The following FAM184B variants were observed in gnomAD, a reference collection of about 807,000 sequenced individuals.
The protein encoded by FAM184B is protein FAM184B.
A neutral mutation model predicts 135.9 loss-of-function variants in FAM184B; 111 were observed. The ratio of observed to expected loss-of-function variants is 0.82; its 90% CI spans 0.70 to 0.96. The LOEUF is 0.96. Among genes scored for constraint, FAM184B ranks in the 40% least tolerant of loss-of-function variants. The pLI, the probability that FAM184B is intolerant of heterozygous loss-of-function variation, is 0.00. For missense variants in FAM184B, 1,375 were observed against 1,323.9 expected, an observed-to-expected ratio of 1.04 and a Z score of -0.60; for synonymous variants, 552 against 524.8, an observed-to-expected ratio of 1.05 and a Z score of -0.71.
intron 7 of FAM184B, among the ~76,000 whole-genome samples, chr4:17,669,621 G>C (rs1716125830): frequency 6.6e-6 from 1 of 152,196 alleles, no homozygotes; most frequent in African/African-American, 2.4e-5. Context: ...TACATGGAGA[G>C]CTCTTCTGAT....
In FAM184B at chr4:17,633,948, T is replaced by C. The variant is rs1577238412; in HGVS notation, c.2890-60A>G. The C allele has an allele frequency of 7.7e-6, 10 of 1,291,274 alleles. No individual in the cohort carries two copies. In the East Asian group the frequency reaches 2.9e-4, roughly 38 times the overall value. 80.0% of individuals were successfully genotyped at this position (1,291,274 alleles called of 1,614,324 possible). ...ATGCAAAAAACAAAATAAAGCATTA[T>C]TGTAAAAGCAAATAATGCTCACCCA... On this transcript the variant is annotated intron_variant, in intron 16 of 17. Transcript: ENST00000265018.
chr4:17,765,930 G>A (rs142369466), intron 1 of FAM184B, among the ~76,000 whole-genome samples: 1 of 152,152 alleles, frequency 6.6e-6, no homozygotes, highest in African/African-American at 2.4e-5. Flanking sequence ...AGCTCTTAAA[G>A]CAGCACATCT....
chr4:17,729,033 C>T (rs1222839339), intron 1 of FAM184B, among the ~76,000 whole-genome samples: 1 of 152,158 alleles, frequency 6.6e-6, no homozygotes, highest in Admixed American at 6.5e-5. Flanking sequence ...CCTGGAAAAT[C>T]GGGTCACTCC....
Position 17,668,678 on chromosome 4 carries a change from G to A in FAM184B, c.1597-4019C>T, listed in dbSNP as rs112362940. Among the ~76,000 whole-genome samples, 400 of 152,252 alleles carry A rather than the reference G, an allele frequency of 2.6e-3. 9 individuals are homozygous for A. The highest frequency in any genetic ancestry group is 8.5e-3 in the African/African-American group (355 of 41,536). On this transcript the variant is annotated intron_variant, in intron 7 of 17. Transcript: ENST00000265018. ...CTCCCAAGTAGCTGGGACTACAGGC[G>A]TGTGACAACACGCCCGGCTAATTTT...
At chr4:17,643,549 A>C (rs1218824608) in intron 12 of FAM184B, among the ~76,000 whole-genome samples, 3 of 151,858 alleles carry the variant, frequency 2.0e-5, no homozygotes, top group African/African-American at 7.3e-5. Context: ...TCTCCATCCC[A>C]CATTTCCCGT....
chr4:17,781,135 C>T lies in FAM184B; in HGVS notation c.141+24G>A. ...TCGGGCGCCCCGGGCGTGCAGCTCG[C>T]TGGCCCGCTGCGCCCCACCTTACCT... On this transcript the variant is annotated intron_variant, in intron 1 of 17. Transcript: ENST00000265018. The surrounding 1 kb of genome is among the most constrained non-coding windows in gnomAD (Gnocchi z 6.5). 6.6e-7 allele frequency: 1 copy of T among 1,505,954 alleles called. No homozygotes were observed. 93.3% of individuals were successfully genotyped at this position (1,505,954 alleles called of 1,614,324 possible). A position where few individuals can be genotyped will look rare whatever the true frequency, so the allele number is the denominator to read the frequency against.
intron 1 of FAM184B, among the ~76,000 whole-genome samples, chr4:17,766,751 A>T (rs139997550): frequency 0.031 from 4,714 of 152,360 alleles, 228 homozygotes; most frequent in African/African-American, 0.11. Flanking sequence ...TTTCACCTAG[A>T]GGATCCCGCA....
In FAM184B at chr4:17,693,422, G is replaced by T. The variant is rs549601868; in HGVS notation, c.1378-10C>A. The T allele has an allele frequency of 9.1e-6, 14 of 1,545,538 alleles. No individual in the cohort carries two copies. The highest frequency in any genetic ancestry group is 7.8e-5 in the Admixed American group (4 of 50,988). On this transcript the variant is annotated splice_polypyrimidine_tract_variant and intron_variant, in intron 5 of 17. Coordinates refer to ENST00000265018, the MANE Select transcript of FAM184B (RefSeq NM_015688.2). ...ACTGTGCTTCTACTTCCTAAATGATGATTGGAAGAGTTAACCATACAAGGC... is the reference window on the plus strand; with the variant it reads ...ACTGTGCTTCTACTTCCTAAATGATTATTGGAAGAGTTAACCATACAAGGC...
Position 17,632,212 on chromosome 4 carries a change from C to G in FAM184B, c.*320G>C, listed in dbSNP as rs1714975292. On this transcript the variant is annotated 3_prime_UTR_variant, in exon 18 of 18. Transcript: ENST00000265018. ...GCCTCAGTCCCCCAAGTACCTGGGA[C>G]CACAGGCACACGCCACCATGCCTGG... is the stretch of plus-strand genomic sequence containing the variant. The G allele has an allele frequency of 6.0e-6, 1 of 166,376 alleles. No homozygotes were observed. The highest frequency in any genetic ancestry group is 1.3e-5 in the Non-Finnish European group (1 of 76,780). 10.3% of individuals were successfully genotyped at this position (166,376 alleles called of 1,614,324 possible). A position where few individuals can be genotyped will look rare whatever the true frequency, so the allele number is the denominator to read the frequency against.
intron 7 of FAM184B, among the ~76,000 whole-genome samples, chr4:17,682,692 T>G (rs1443352453): frequency 3.3e-5 from 5 of 151,920 alleles, no homozygotes; most frequent in African/African-American, 1.2e-4. Flanking sequence ...AGAGACGAGG[T>G]TTTGCCATGT....
chr4:17,681,125 G>A (rs1247759970), intron 7 of FAM184B, among the ~76,000 whole-genome samples: 1 of 152,168 alleles, frequency 6.6e-6, no homozygotes, highest in Non-Finnish European at 1.5e-5. Flanking sequence ...TGAAGTGCAG[G>A]GATTATTGCC....
chr4:17,758,116 T>G (rs936178267), intron 1 of FAM184B, among the ~76,000 whole-genome samples: 2 of 152,240 alleles, frequency 1.3e-5, no homozygotes, highest in African/African-American at 4.8e-5. Flanking sequence ...GAGAAGCCTC[T>G]AAGGTTCTCT....
At position 17,639,368 on chromosome 4, in the gene FAM184B, G is replaced by C. The variant is rs554172404; in HGVS notation, c.2548C>G (p.Arg850Gly). 8 of 1,551,648 alleles carry C rather than the reference G, an allele frequency of 5.2e-6. No homozygotes were observed. The East Asian group carries it at 1.5e-4, about 28-fold the overall frequency. The change falls in exon 14 of 18, where the codon CGG becomes GGG. Residue 850 changes from arginine to glycine, a missense_variant. Physicochemically the swap from Arg to Gly is moderately radical, Grantham distance 125. Transcript: ENST00000265018. ...RFLEETQQAQ[R>G]AREVETLRQE... ...CGCAGTGTCTCCACCTCCCTGGCCC[G>C]CTGGGCTTGCTGAGTCTCCTCCAGG... is the stretch of plus-strand genomic sequence containing the variant.
rs151309719 is a variant in FAM184B, at chr4:17,749,419, TAA to T, written c.141+31738_141+31739del. On this transcript the variant is annotated intron_variant, in intron 1 of 17. Transcript: ENST00000265018. ...CAGCCTAGTGAGATCTCATCTCTAT[TAA>T]AAAAAAGATGCTTCAGGAAAGGATT... Among the ~76,000 whole-genome samples the T allele has an allele frequency of 3.9e-3, 595 of 151,390 alleles. 18 individuals carry two copies. In the East Asian group the frequency reaches 0.071, roughly 18 times the overall value.
intron 5 of FAM184B, among the ~76,000 whole-genome samples, chr4:17,695,073 A>C (rs1326110983): frequency 2.0e-5 from 3 of 152,270 alleles, no homozygotes; most frequent in East Asian, 3.9e-4. Flanking sequence ...GCACCATCTG[A>C]GGCCTCAAGC....
At chr4:17,753,972 G>T (rs553964449) in intron 1 of FAM184B, among the ~76,000 whole-genome samples, 1 of 152,144 alleles carries the variant, frequency 6.6e-6, no homozygotes, top group Non-Finnish European at 1.5e-5. Context: ...TAACATCAAG[G>T]TTGTCTTGGC....
At chr4:17,704,644 T>G (rs1487662071) in intron 5 of FAM184B, among the ~76,000 whole-genome samples, 2 of 152,184 alleles carry the variant, frequency 1.3e-5, no homozygotes, top group African/African-American at 4.8e-5. Flanking sequence ...CCTCCAGGCA[T>G]GAATTTTTGG....
chr4:17,729,035 G>T (rs538817150), intron 1 of FAM184B, among the ~76,000 whole-genome samples: 3 of 152,258 alleles, frequency 2.0e-5, no homozygotes, highest in Admixed American at 6.5e-5. Flanking sequence ...TGGAAAATCG[G>T]GTCACTCCCA....
At chr4:17,677,248 G>T (rs113040788) in intron 7 of FAM184B, among the ~76,000 whole-genome samples, 1 of 152,032 alleles carries the variant, frequency 6.6e-6, no homozygotes, top group Non-Finnish European at 1.5e-5. Flanking sequence ...GGGTTTTGCC[G>T]TGTTGCCCAG....
Sources: allele counts gnomAD v4.1 joint callset (sites outside exome capture counted in the v4.1 genomes callset), GRCh38; gene constraint gnomAD v4.1.1; non-coding constraint Gnocchi (gnomAD v3.1); transcripts MANE v1.5; gene names NCBI Gene and HGNC (gene_info 2026-07-23, HGNC 2026-07-21).